LIMK1: variants seen among roughly 807,000 people sequenced by gnomAD.
The protein encoded by LIMK1 is LIM domain kinase 1, also known as LIM motif-containing protein kinase.
Under a neutral mutation model 77.6 loss-of-function variants are expected in LIMK1, and 21 were observed. The observed-to-expected ratio is 0.27, with a 90% CI of 0.19 to 0.39. The LOEUF (loss-of-function observed/expected upper bound fraction) is 0.39. Ranked by LOEUF, LIMK1 falls within the 10% of genes least tolerant of loss-of-function variation. LIMK1 has a pLI of 1.00. For missense variants in LIMK1, 696 were observed against 901.6 expected (o/e 0.77, Z 2.92); for synonymous variants, 358 against 370.0 (o/e 0.97, Z 0.37).
At chr7:74,117,965 G>C (rs1364749862) in intron 13 of LIMK1, among the ~76,000 whole-genome samples, 3 of 151,710 alleles carry the variant, frequency 2.0e-5, no homozygotes, top group African/African-American at 7.3e-5. Flanking sequence ...AAAATTACCC[G>C]GGTGTGGTGG....
intron 14 of LIMK1, 23 bp from the exon 15 acceptor site, chr7:74,120,869 C>T (rs1563926870): frequency 6.2e-7 from 1 of 1,613,944 alleles, no homozygotes; most frequent in Admixed American, 1.7e-5. Context: ...CCTGGAGTAA[C>T]TGCCGGGCCT....
At chr7:74,103,976 A>G (rs899746022) in intron 5 of LIMK1, among the ~76,000 whole-genome samples, 2 of 151,740 alleles carry the variant, frequency 1.3e-5, no homozygotes, top group African/African-American at 4.8e-5. Flanking sequence ...TATTTTTTGT[A>G]ATGGTGAGGT....
At chr7:74,087,652 C>T (rs1315304285) in intron 2 of LIMK1, among the ~76,000 whole-genome samples, 5 of 151,578 alleles carry the variant, frequency 3.3e-5, no homozygotes, top group Middle Eastern at 6.9e-3. Flanking sequence ...AGCAGTGGCG[C>T]GATCCCTCCT....
chr7:74,096,989 TGGTGACACC>T, intron 3 of LIMK1, 82 bp from the exon 4 acceptor site: 1 of 1,146,176 alleles, frequency 8.7e-7, no homozygotes, highest in Non-Finnish European at 1.2e-6. Flanking sequence ...GTTGTTTTTT[TGGTGACACC>T]CTTGGAAGAG....
chr7:74,108,917 C>T lies in LIMK1; in HGVS notation c.1165C>T (p.Arg389Ter), dbSNP rs782158297. 4 of 1,613,618 alleles carry T rather than the reference C, an allele frequency of 2.5e-6. No homozygotes were observed. The highest frequency in any genetic ancestry group is 3.4e-6 in the Non-Finnish European group (4 of 1,179,726). ...RTFLKEVKVMRCLEHPNVLKF... is the reference protein window; with the variant it reads ...RTFLKEVKVM ...TGTGCCCCGCCAGGTGAAGGTCATGCGATGCCTGGAACACCCCAACGTGCT... is the reference window on the plus strand; with the variant it reads ...TGTGCCCCGCCAGGTGAAGGTCATGTGATGCCTGGAACACCCCAACGTGCT... The change falls in exon 10 of 16, where the codon CGA becomes TGA. Residue 389 changes from arginine (R) to a stop codon, truncating the protein, a stop_gained. Transcript: ENST00000336180. LOFTEE classifies it high-confidence loss of function.
At chr7:74,095,353 G>C (rs1417706821) in intron 2 of LIMK1, among the ~76,000 whole-genome samples, 1 of 152,198 alleles carries the variant, frequency 6.6e-6, no homozygotes, top group African/African-American at 2.4e-5. Context: ...CCCCCCCACA[G>C]CAGGACCCAG....
At chr7:74,106,548 G>A (rs1261287115) in intron 7 of LIMK1, among the ~76,000 whole-genome samples, 1 of 152,192 alleles carries the variant, frequency 6.6e-6, no homozygotes, top group Non-Finnish European at 1.5e-5. Flanking sequence ...ATCACCTGAG[G>A]TCAGGAGTTC....
intron 12 of LIMK1, among the ~76,000 whole-genome samples, chr7:74,115,000 G>C (rs1471559938): frequency 6.6e-6 from 1 of 152,036 alleles, no homozygotes; most frequent in Non-Finnish European, 1.5e-5. Flanking sequence ...GAGGCAGGTG[G>C]ACCACTTGAG....
At chr7:74,093,098 C>CG in intron 2 of LIMK1, 2 of 1,403,416 alleles carry the variant, frequency 1.4e-6, no homozygotes, top group Admixed American at 3.0e-5. Context: ...GGCACCCACG[C>CG]GGCTGCAGCC....
intron 1 of LIMK1, among the ~76,000 whole-genome samples, chr7:74,084,251 G>A (rs1479290225): frequency 6.6e-6 from 1 of 151,984 alleles, no homozygotes; most frequent in Non-Finnish European, 1.5e-5. Flanking sequence ...CCTCCTGCGG[G>A]TCTGGGGGCC....
intron 12 of LIMK1, among the ~76,000 whole-genome samples, chr7:74,115,126 T>C (rs571788142): frequency 1.9e-4 from 29 of 151,580 alleles, no homozygotes; most frequent in African/African-American, 7.0e-4. Flanking sequence ...GGGTCTATAA[T>C]CAAAATTCCT....
chr7:74,114,405 A>G (rs1346709395), intron 12 of LIMK1, among the ~76,000 whole-genome samples: 1 of 151,922 alleles, frequency 6.6e-6, no homozygotes, highest in Non-Finnish European at 1.5e-5. Flanking sequence ...TTAAAAAATT[A>G]GCTGGCATGG....
At chr7:74,088,062 AC>A (rs1408740581) in intron 2 of LIMK1, among the ~76,000 whole-genome samples, 1 of 152,180 alleles carries the variant, frequency 6.6e-6, no homozygotes, top group Non-Finnish European at 1.5e-5. Context: ...AGCATAAGCC[AC>A]CATGCCCAGC....
intron 2 of LIMK1, chr7:74,094,333 G>A (rs1190403766): frequency 2.0e-5 from 3 of 152,296 alleles, no homozygotes; most frequent in Admixed American, 1.3e-4. Flanking sequence ...AGTGATGAAG[G>A]TTTGTGAGTT....
chr7:74,113,768 A>G (rs1383867124), intron 12 of LIMK1, among the ~76,000 whole-genome samples: 2 of 152,000 alleles, frequency 1.3e-5, no homozygotes, highest in African/African-American at 2.4e-5. Context: ...TCATGACCCA[A>G]TCACCTCTTA....
chr7:74,088,801 CAAAAAAAAAA>C (rs145728454), intron 2 of LIMK1, among the ~76,000 whole-genome samples: 1 of 67,084 alleles, frequency 1.5e-5, no homozygotes, highest in East Asian at 3.6e-4. Flanking sequence ...GACTCCATCT[CAAAAAAAAAA>C]AAAAAAAAAA....
intron 2 of LIMK1, among the ~76,000 whole-genome samples, chr7:74,092,282 A>G (rs1292402346): frequency 6.6e-6 from 1 of 152,098 alleles, no homozygotes; most frequent in Non-Finnish European, 1.5e-5. Flanking sequence ...GCATCTTTGA[A>G]TGTCATAACC....
At chr7:74,120,395 G>T (rs980980885) in intron 13 of LIMK1, among the ~76,000 whole-genome samples, 188 bp from the exon 14 acceptor site, 1 of 152,204 alleles carries the variant, frequency 6.6e-6, no homozygotes, top group South Asian at 2.1e-4. Context: ...GCTCCCAAAG[G>T]CTTGCTCAGA....
chr7:74,088,794 T>C (rs1554694395), intron 2 of LIMK1, among the ~76,000 whole-genome samples: 2 of 110,144 alleles, frequency 1.8e-5, no homozygotes, highest in African/African-American at 3.5e-5. Context: ...AGAGCGAGAC[T>C]CCATCTCAAA....
Sources: allele counts gnomAD v4.1 joint callset (sites outside exome capture counted in the v4.1 genomes callset), GRCh38; gene constraint gnomAD v4.1.1; transcripts MANE v1.5; gene names NCBI Gene and HGNC (gene_info 2026-07-23, HGNC 2026-07-21).